MGST1: variants seen among roughly 807,000 people sequenced by gnomAD.
MGST1 encodes microsomal glutathione S-transferase 1.
In MGST1, 5 loss-of-function variants were observed where a neutral mutation model predicts 8.9. The observed-to-expected ratio is 0.56, with a 90% CI of 0.29 to 1.19. MGST1 has a LOEUF of 1.19. Among genes scored for constraint, MGST1 ranks in the 50% most tolerant of loss-of-function variants. The pLI is 0.08. For missense variants in MGST1, 182 were observed against 187.4 expected, an observed-to-expected ratio of 0.97 and a Z score of 0.17; for synonymous variants, 54 against 67.8, an observed-to-expected ratio of 0.80 and a Z score of 1.00.
chr12:16,356,929 G>A (rs1226884083), intron 2 of MGST1, among the ~76,000 whole-genome samples: 1 of 152,180 alleles, frequency 6.6e-6, no homozygotes, highest in Admixed American at 6.5e-5. Context: ...GCTTGGAAAT[G>A]TTAATACACT....
intron 1 of MGST1, among the ~76,000 whole-genome samples, chr12:16,434,441 G>GT (rs1940965742): frequency 2.3e-5 from 2 of 87,124 alleles, no homozygotes; most frequent in Non-Finnish European, 4.7e-5. Context: ...TTTTATTTCA[G>GT]TTGTGTGTGT....
At chr12:16,465,672 T>G (rs2137129341) in intron 4 of MGST1, among the ~76,000 whole-genome samples, 1 of 152,328 alleles carries the variant, frequency 6.6e-6, no homozygotes, top group East Asian at 1.9e-4. Context: ...AGCTCACTGA[T>G]TCTACATTAT....
intron 4 of MGST1, among the ~76,000 whole-genome samples, chr12:16,533,551 GT>G (rs1227057034): frequency 6.6e-6 from 1 of 152,030 alleles, no homozygotes; most frequent in African/African-American, 2.4e-5. Context: ...TTTCTGAATA[GT>G]TCAGTCATAA....
intron 4 of MGST1, among the ~76,000 whole-genome samples, chr12:16,581,723 CTTTT>C (rs971435953): frequency 1.3e-5 from 2 of 151,738 alleles, no homozygotes; most frequent in Non-Finnish European, 2.9e-5. Context: ...AAATAGAGGA[CTTTT>C]TTTTCAGCAG....
intron 1 of MGST1, among the ~76,000 whole-genome samples, chr12:16,397,770 A>G (rs1325935354): frequency 7.4e-6 from 1 of 134,534 alleles, no homozygotes; most frequent in Non-Finnish European, 1.6e-5. Context: ...CTTCTTAATC[A>G]ATAGTATCTT....
At chr12:16,553,025 G>A (rs374973660) in intron 4 of MGST1, among the ~76,000 whole-genome samples, 1 of 152,070 alleles carries the variant, frequency 6.6e-6, no homozygotes, top group Non-Finnish European at 1.5e-5. Context: ...CTTGTGGCAA[G>A]GAGTAGAAAT....
chr12:16,552,938 ACT>A (rs74457446), intron 4 of MGST1, among the ~76,000 whole-genome samples: 31,438 of 151,910 alleles, frequency 0.21, 3,966 homozygotes, highest in South Asian at 0.29. Flanking sequence ...TAGGGTCCAA[ACT>A]CTACCTTCCC....
At chr12:16,443,525 G>A (rs1941054679), downstream of MGST1, among the ~76,000 whole-genome samples, 1 of 149,610 alleles carries the variant, frequency 6.7e-6, no homozygotes, top group African/African-American at 2.5e-5. Flanking sequence ...TCATTGTTTT[G>A]TGGTTACTCT....
intron 3 of MGST1, chr12:16,360,410 A>G: frequency 1.0e-6 from 1 of 964,960 alleles, no homozygotes; most frequent in Non-Finnish European, 1.2e-6. Context: ...AAGTTAATAC[A>G]TACACATATG....
chr12:16,384,608 A>C (rs1215354391), intron 1 of MGST1, among the ~76,000 whole-genome samples: 24 of 152,180 alleles, frequency 1.6e-4, no homozygotes, highest in Admixed American at 1.6e-3. Flanking sequence ...GGAGATAATA[A>C]ATTTATGTTT....
intron 4 of MGST1, among the ~76,000 whole-genome samples, chr12:16,487,191 C>A (rs1941404515): frequency 6.6e-6 from 1 of 152,292 alleles, no homozygotes; most frequent in Non-Finnish European, 1.5e-5. Flanking sequence ...ATTTGTGTGT[C>A]CTCTCTAGAC....
chr12:16,549,819 A>C (rs908749552), intron 4 of MGST1: 4 of 152,104 alleles, frequency 2.6e-5, no homozygotes, highest in African/African-American at 9.7e-5. Flanking sequence ...TGTAATTTAA[A>C]TAATCATTCT....
chr12:16,464,404 A>G (rs969266524), intron 4 of MGST1, among the ~76,000 whole-genome samples: 3 of 152,150 alleles, frequency 2.0e-5, no homozygotes, highest in Non-Finnish European at 2.9e-5. Flanking sequence ...TGGTGAAAGA[A>G]TGATTTCTTT....
chr12:16,478,795 TG>T lies in MGST1; in HGVS notation n.482+95192del, dbSNP rs1054407818. Among the ~76,000 whole-genome samples the T allele has an allele frequency of 3.3e-5, 5 of 152,160 alleles. No individual in the cohort carries two copies. In the East Asian group the frequency reaches 7.7e-4, roughly 23 times the overall value. Reference sequence around the variant, plus strand: ...GGATTTCATCCTTGAGTCTCTTAAATGTTTTTTTAGTTTATTGACATGAAAT... The same window carrying T: ...GGATTTCATCCTTGAGTCTCTTAAATTTTTTTTAGTTTATTGACATGAAAT... On this transcript the variant is annotated intron_variant and non_coding_transcript_variant, in intron 4 of 4. Transcript: ENST00000538857.
rs1279479386 is a variant in MGST1 at position 16,576,727 on chromosome 12, T to A, written n.483-12801T>A. Among the ~76,000 whole-genome samples the A allele has an allele frequency of 6.6e-6, 1 of 152,192 alleles. No individual in the cohort carries two copies. Among genetic ancestry groups the A allele is most frequent in the Non-Finnish European group, 1.5e-5 (1 of 68,028 alleles). On this transcript the variant is annotated intron_variant and non_coding_transcript_variant, in intron 4 of 4. Transcript: ENST00000538857. The surrounding 1 kb of genome is among the most constrained non-coding windows in gnomAD (Gnocchi z 4.1). ...AGAGATATATAAATGGAAATTAACA[T>A]TCTTGCATTGTCCAACTATATAGAC...
downstream of MGST1, among the ~76,000 whole-genome samples, chr12:16,590,370 T>G (rs576371471): frequency 6.6e-6 from 1 of 152,218 alleles, no homozygotes; most frequent in East Asian, 1.9e-4. Flanking sequence ...CAATATGTCC[T>G]TAATGTATCT....
In MGST1 at chr12:16,513,898, G is replaced by A. The variant is rs1288560013; in HGVS notation, n.483-75630G>A. On this transcript the variant is annotated intron_variant and non_coding_transcript_variant, in intron 4 of 4. Transcript: ENST00000538857. This position sits in a 1 kb window ranked among gnomAD's most constrained non-coding sequence, Gnocchi z 4.2. ...TCGCACACCCATCTTCAGGGATACTGGCATGCAGCTACAAGGTTATCGATA... is the reference window on the plus strand; with the variant it reads ...TCGCACACCCATCTTCAGGGATACTAGCATGCAGCTACAAGGTTATCGATA... 1.7e-6 allele frequency: 1 copy of A among 600,434 alleles called. No homozygotes were observed. Among genetic ancestry groups the A allele is most frequent in the East Asian group, 3.7e-5 (1 of 26,782 alleles). 37.2% of individuals were successfully genotyped at this position (600,434 alleles called of 1,614,324 possible). A position where few individuals can be genotyped will look rare whatever the true frequency, so the allele number is the denominator to read the frequency against.
At chr12:16,535,868 C>T (rs370591219) in intron 4 of MGST1, among the ~76,000 whole-genome samples, 7 of 152,058 alleles carry the variant, frequency 4.6e-5, no homozygotes, top group African/African-American at 7.2e-5. Context: ...GGATGAGAAA[C>T]GATTTTGAGA....
intron 4 of MGST1, among the ~76,000 whole-genome samples, chr12:16,557,608 C>G (rs1475142613): frequency 6.6e-6 from 1 of 151,982 alleles, no homozygotes; most frequent in Non-Finnish European, 1.5e-5. Flanking sequence ...CTACATTTAG[C>G]AAGAAACTCT....
Sources: allele counts gnomAD v4.1 joint callset (sites outside exome capture counted in the v4.1 genomes callset), GRCh38; gene constraint gnomAD v4.1.1; non-coding constraint Gnocchi (gnomAD v3.1); transcripts MANE v1.5; gene names NCBI Gene and HGNC (gene_info 2026-07-23, HGNC 2026-07-21).